The following UBE2G1 variants were observed in gnomAD, a reference collection of about 807,000 sequenced individuals.
The protein encoded by UBE2G1 is ubiquitin-conjugating enzyme E2 G1.
In UBE2G1, 5 loss-of-function variants were observed where a neutral mutation model predicts 22.7. The observed-to-expected ratio is 0.22, with a 90% CI of 0.12 to 0.46. UBE2G1 has a LOEUF of 0.46. Ranked by LOEUF, UBE2G1 falls within the 20% of genes least tolerant of loss-of-function variation. The probability of loss-of-function intolerance (pLI) is 0.99; values close to 1 mark genes in which losing one functional copy is unlikely to be tolerated. For synonymous variants in UBE2G1, 74 were observed against 67.5 expected, an observed-to-expected ratio of 1.10 and a Z score of -0.47; for missense variants, 88 against 203.9, an observed-to-expected ratio of 0.43 and a Z score of 3.46.
chr17:4,339,678 C>A (rs1174670012), intron 1 of UBE2G1, among the ~76,000 whole-genome samples: 1 of 152,056 alleles, frequency 6.6e-6, no homozygotes, highest in Non-Finnish European at 1.5e-5. Flanking sequence ...ATGGAAAAAC[C>A]ATGCCTCTAT....
Position 4,366,433 on chromosome 17 carries a change from A to G in UBE2G1, c.-117T>C, listed in dbSNP as rs2143846989. On this transcript the variant is annotated 5_prime_UTR_variant, in exon 1 of 6. Coordinates refer to ENST00000396981, the MANE Select transcript of UBE2G1 (RefSeq NM_003342.5). Reference sequence around the variant, plus strand: ...CCGGGCCCCGCGACCGGAGCGCCGGAGCCGAGGAAGGCCGGGCTGAGGCGG... The same window carrying G: ...CCGGGCCCCGCGACCGGAGCGCCGGGGCCGAGGAAGGCCGGGCTGAGGCGG... 9.3e-7 allele frequency: 1 copy of G among 1,078,410 alleles called. No individual in the cohort carries two copies. Among genetic ancestry groups the G allele is most frequent in the Non-Finnish European group, 1.2e-6 (1 of 820,596 alleles). 66.8% of individuals were successfully genotyped at this position (1,078,410 alleles called of 1,614,324 possible).
intron 2 of UBE2G1, among the ~76,000 whole-genome samples, chr17:4,300,182 T>C (rs1300526723): frequency 6.6e-6 from 1 of 151,808 alleles, no homozygotes; most frequent in Non-Finnish European, 1.5e-5. Context: ...CCAAAACCCA[T>C]AGAGTAGAAT....
chr17:4,315,568 G>A (rs977081983), intron 1 of UBE2G1, among the ~76,000 whole-genome samples: 14 of 151,308 alleles, frequency 9.3e-5, no homozygotes, highest in African/African-American at 2.7e-4. Flanking sequence ...GTGAAACCCC[G>A]TCTCTACCAA....
chr17:4,284,815 TTTTC>T (rs1270535423), intron 4 of UBE2G1, among the ~76,000 whole-genome samples: 1 of 1,978 alleles, frequency 5.1e-4, no homozygotes, highest in Non-Finnish European at 4.3e-3. Context: ...TTCTTTTTCT[TTTTC>T]TTTTCTTTTC....
At chr17:4,355,327 T>C (rs1196569074) in intron 1 of UBE2G1, among the ~76,000 whole-genome samples, 1 of 150,834 alleles carries the variant, frequency 6.6e-6, no homozygotes, top group Non-Finnish European at 1.5e-5. Flanking sequence ...AAGCCCGGCC[T>C]GCCAGACTAT....
At chr17:4,273,723 G>A (rs149401631) in intron 5 of UBE2G1, among the ~76,000 whole-genome samples, 143 of 151,628 alleles carry the variant, frequency 9.4e-4, no homozygotes, top group Non-Finnish European at 1.6e-3. Flanking sequence ...AAAGGGGGGT[G>A]GGTGGGGGCG....
At chr17:4,330,035 A>G (rs1969552528) in intron 1 of UBE2G1, among the ~76,000 whole-genome samples, 1 of 152,148 alleles carries the variant, frequency 6.6e-6, no homozygotes, top group African/African-American at 2.4e-5. Flanking sequence ...ACCCAGAGCC[A>G]TGAGTTATTG....
intron 1 of UBE2G1, among the ~76,000 whole-genome samples, chr17:4,313,759 T>C (rs1969337560): frequency 6.6e-6 from 1 of 152,174 alleles, no homozygotes; most frequent in African/African-American, 2.4e-5. Flanking sequence ...GTCAATGTTA[T>C]ACTTCAATTT....
intron 4 of UBE2G1, among the ~76,000 whole-genome samples, chr17:4,284,807 CTTTTTCT>C (rs1968939039): frequency 7.9e-6 from 1 of 126,684 alleles, no homozygotes; most frequent in Non-Finnish European, 1.6e-5. Flanking sequence ...ACTGTCATTT[CTTTTTCT>C]TTTTCTTTTC....
At chr17:4,336,397 A>C (rs368968289) in intron 1 of UBE2G1, among the ~76,000 whole-genome samples, 2 of 152,322 alleles carry the variant, frequency 1.3e-5, no homozygotes, top group South Asian at 2.1e-4. Flanking sequence ...ACCCTTTCAA[A>C]ACCAGCTGAA....
intron 1 of UBE2G1, among the ~76,000 whole-genome samples, chr17:4,314,290 A>G (rs937374377): frequency 2.0e-5 from 3 of 152,212 alleles, no homozygotes; most frequent in African/African-American, 7.2e-5. Flanking sequence ...GAGTAATACT[A>G]TGGTATTGTG....
chr17:4,285,055 G>T (rs1430544862), intron 4 of UBE2G1, among the ~76,000 whole-genome samples: 1 of 151,934 alleles, frequency 6.6e-6, no homozygotes, highest in Non-Finnish European at 1.5e-5. Flanking sequence ...TGTCGCCTAG[G>T]CTGGTCTCAA....
chr17:4,319,771 A>C (rs1279764873), intron 1 of UBE2G1, among the ~76,000 whole-genome samples: 1 of 152,180 alleles, frequency 6.6e-6, no homozygotes, highest in Admixed American at 6.5e-5. Flanking sequence ...AGTCCAAATA[A>C]GATGGTAATA....
At chr17:4,335,152 T>C (rs1969630034) in intron 1 of UBE2G1, 1 of 152,140 alleles carries the variant, frequency 6.6e-6, no homozygotes, top group Non-Finnish European at 1.5e-5. Flanking sequence ...TAAAAATGAA[T>C]GCATATTAAA....
intron 1 of UBE2G1, among the ~76,000 whole-genome samples, chr17:4,311,697 G>A (rs1224058431): frequency 2.0e-5 from 3 of 152,202 alleles, no homozygotes. Flanking sequence ...ACGTCTGAAA[G>A]CTAGATCGAG....
At chr17:4,303,115 T>C (rs1251421843) in intron 2 of UBE2G1, among the ~76,000 whole-genome samples, 1 of 152,136 alleles carries the variant, frequency 6.6e-6, no homozygotes, top group Non-Finnish European at 1.5e-5. Flanking sequence ...GGTAGGGGCA[T>C]AATGCTAGAA....
Position 4,349,244 on chromosome 17 carries a change from C to T in UBE2G1, c.46+17027G>A, listed in dbSNP as rs1252142060. On this transcript the variant is annotated intron_variant, in intron 1 of 5. Coordinates refer to ENST00000396981, the MANE Select transcript of UBE2G1 (RefSeq NM_003342.5). Reference sequence around the variant, plus strand: ...CTGAGGCAGGAGAATTGCTTGAACCCGGGAGGCAGAGGTTGCAGTGAGCCA... The same window carrying T: ...CTGAGGCAGGAGAATTGCTTGAACCTGGGAGGCAGAGGTTGCAGTGAGCCA... 4.0e-5 allele frequency among the ~76,000 whole-genome samples: 6 copies of T among 151,714 alleles called. No homozygotes were observed. The South Asian group carries it at 8.3e-4, about 21-fold the overall frequency.
chr17:4,321,976 T>C lies in UBE2G1; in HGVS notation c.47-14853A>G, dbSNP rs545357315. On this transcript the variant is annotated intron_variant, in intron 1 of 5. Transcript: ENST00000396981. ...TTTTATATTTTGATTGGACTAAGTG[T>C]GGTATGAAACTCAAAAGCCAAACAA... 1.7e-4 allele frequency among the ~76,000 whole-genome samples: 26 copies of C among 152,336 alleles called. No individual in the cohort carries two copies. In the South Asian group the frequency reaches 5.4e-3, roughly 32 times the overall value.
chr17:4,272,662 C>T, intron 5 of UBE2G1, 146 bp from the exon 6 acceptor site: 1 of 186,276 alleles, frequency 5.4e-6, no homozygotes, highest in Admixed American at 4.2e-5. Context: ...ATTATGGTAG[C>T]TCACAGCCAC....
Sources: allele counts gnomAD v4.1 joint callset (sites outside exome capture counted in the v4.1 genomes callset), GRCh38; gene constraint gnomAD v4.1.1; transcripts MANE v1.5; gene names NCBI Gene and HGNC (gene_info 2026-07-23, HGNC 2026-07-21).